LPIN2: variants seen among roughly 807,000 people sequenced by gnomAD.
The protein encoded by LPIN2 is lipin 2.
A neutral mutation model predicts 111.4 loss-of-function variants in LPIN2; 55 were observed. The observed-to-expected ratio is 0.49, with a 90% CI of 0.40 to 0.62. The LOEUF (loss-of-function observed/expected upper bound fraction) is 0.62, where lower values mean the gene tolerates loss of function less well. LPIN2 is among the 20% of genes least tolerant of loss of function. LPIN2 has a pLI of 0.00. For missense variants in LPIN2, 992 were observed against 1,112.1 expected (o/e 0.89, Z 1.54); for synonymous variants, 425 against 414.0 (o/e 1.03, Z -0.32).
chr18:2,928,616 T>G lies in LPIN2; in HGVS notation c.1595A>C (p.Gln532Pro), dbSNP rs1598527903. The G allele has an allele frequency of 1.2e-6, 2 of 1,614,164 alleles. No homozygotes were observed. Among genetic ancestry groups the G allele is most frequent in the Middle Eastern group, 3.3e-4 (2 of 6,062 alleles). ...CTTAGGCAAGCTCTTCTGGAATACT[T>G]GCAAGCTAAGGATCATGGGAGCTGC... ...ALAAPMILSL[Q>P]VFQKSLPKAT... The change falls in exon 11 of 20, where the codon CAA becomes CCA. Residue 532 changes from glutamine to proline, a missense_variant. Physicochemically the swap from Gln to Pro is moderately conservative, Grantham distance 76. Transcript: ENST00000677752.
intron 4 of LPIN2, among the ~76,000 whole-genome samples, chr18:2,945,016 T>C (rs1292634038): frequency 6.6e-6 from 1 of 152,174 alleles, no homozygotes; most frequent in African/African-American, 2.4e-5. Flanking sequence ...TTACTTACTA[T>C]ACTACCTCAG....
At chr18:2,973,725 T>C (rs2077961320) in intron 1 of LPIN2, among the ~76,000 whole-genome samples, 1 of 152,246 alleles carries the variant, frequency 6.6e-6, no homozygotes, top group South Asian at 2.1e-4. Context: ...TGCATATACA[T>C]AATGACCCAA....
rs1290069719 is a variant in LPIN2 at position 2,951,463 on chromosome 18, A to G, written c.289-107T>C. 4.7e-6 allele frequency: 4 copies of G among 853,388 alleles called. No homozygotes were observed. In the African/African-American group the frequency reaches 5.2e-5, roughly 11 times the overall value. The allele number at this position is 853,388 out of a possible 1,614,324, so 52.9% of individuals were successfully genotyped here. On this transcript the variant is annotated intron_variant, in intron 3 of 19. Coordinates refer to ENST00000677752, the MANE Select transcript of LPIN2 (RefSeq NM_001375808.2). ...TTTCACCATGGTAAAAAAAAAAAAA[A>G]TACATATTCCCTAAAGGCAAGAAAG...
chr18:2,983,053 A>T (rs2078136298), intron 1 of LPIN2, among the ~76,000 whole-genome samples: 1 of 152,214 alleles, frequency 6.6e-6, no homozygotes, highest in African/African-American at 2.4e-5. Context: ...CTGCCCAATC[A>T]CATGATGGCC....
In LPIN2 at chr18:2,951,969, G is replaced by A. The variant is rs142689676; in HGVS notation, c.289-613C>T. On this transcript the variant is annotated intron_variant, in intron 3 of 19. Coordinates refer to ENST00000677752, the MANE Select transcript of LPIN2 (RefSeq NM_001375808.2). ...TTAAAAATAAGAAATATTCCTTCCTGTAGGAATTCAAAAGAAGAAAATAAG... is the reference window on the plus strand; with the variant it reads ...TTAAAAATAAGAAATATTCCTTCCTATAGGAATTCAAAAGAAGAAAATAAG... Among the ~76,000 whole-genome samples, 417 of 152,282 alleles carry A rather than the reference G, an allele frequency of 2.7e-3. 5 individuals carry two copies. Among genetic ancestry groups the A allele is most frequent in the Admixed American group, 8.2e-3 (126 of 15,292 alleles).
chr18:3,005,156 C>G (rs2078492467), intron 1 of LPIN2, among the ~76,000 whole-genome samples: 1 of 151,990 alleles, frequency 6.6e-6, no homozygotes. Flanking sequence ...TTGAGACCAG[C>G]CTGGCCAACA....
Position 2,923,805 on chromosome 18 carries a change from C to T in LPIN2, c.2144G>A (p.Gly715Asp), listed in dbSNP as rs2144126284. 1 of 1,614,180 alleles carries T rather than the reference C, an allele frequency of 6.2e-7. No individual in the cohort carries two copies. The highest frequency in any genetic ancestry group is 2.2e-5 in the East Asian group (1 of 44,886). Residue 715 changes from glycine (G) to aspartate (D), a missense_variant, in exon 16 of 20, where the codon GGT (glycine) becomes GAT (aspartate). Physicochemically the swap from Gly to Asp is moderately conservative, Grantham distance 94. Coordinates refer to ENST00000677752, the MANE Select transcript of LPIN2 (RefSeq NM_001375808.2). ...PQLGKDWTHQ[G>D]IAKLYHSINE... ...GATGGAATGGTAGAGCTTTGCTATACCCTGGTGGGTCCAGTCTTTGCCCAG... is the reference window on the plus strand; with the variant it reads ...GATGGAATGGTAGAGCTTTGCTATATCCTGGTGGGTCCAGTCTTTGCCCAG...
rs2077341935 is a variant in LPIN2 at position 2,939,620 on chromosome 18, GAC to G, written c.699-19_699-18del. ...GGATAGGTGCTGCAAAGAGAACAAA[GAC>G]ACACGATGACTTGAAAGTCGGGAAA... On this transcript the variant is annotated intron_variant, in intron 5 of 19. Coordinates refer to ENST00000677752, the MANE Select transcript of LPIN2 (RefSeq NM_001375808.2). The G allele has an allele frequency of 6.2e-7, 1 of 1,611,484 alleles. No homozygotes were observed. Among genetic ancestry groups the G allele is most frequent in the Non-Finnish European group, 8.5e-7 (1 of 1,179,214 alleles).
rs369438016 is a variant in LPIN2, at chr18:2,928,288, T to C, written c.1620+303A>G. On this transcript the variant is annotated intron_variant, in intron 11 of 19. Coordinates refer to ENST00000677752, the MANE Select transcript of LPIN2 (RefSeq NM_001375808.2). ...TCCCATATTAATGGGAGAAAAAGTT[T>C]TTTTCATTCATTCCATATTTAACTT... 7.2e-5 allele frequency among the ~76,000 whole-genome samples: 11 copies of C among 152,342 alleles called. No homozygotes were observed. The East Asian group carries it at 2.1e-3, about 29-fold the overall frequency.
Position 2,936,242 on chromosome 18 carries a change from G to A in LPIN2, c.1168+1450C>T, listed in dbSNP as rs564486565. Among the ~76,000 whole-genome samples the A allele has an allele frequency of 7.0e-4, 106 of 152,158 alleles. 1 individual carries two copies. In the South Asian group the frequency reaches 9.1e-3, roughly 13 times the overall value. On this transcript the variant is annotated intron_variant, in intron 7 of 19. Transcript: ENST00000677752. Reference sequence around the variant, plus strand: ...TTTTTTTAATTGAAATAGGTAATTGGCTATATATGATGTTGGGTAATTTTA... The same window carrying A: ...TTTTTTTAATTGAAATAGGTAATTGACTATATATGATGTTGGGTAATTTTA...
chr18:2,967,195 A>G (rs1055168128), intron 1 of LPIN2, among the ~76,000 whole-genome samples: 3 of 152,164 alleles, frequency 2.0e-5, no homozygotes, highest in Non-Finnish European at 2.9e-5. Flanking sequence ...TATTCACTAG[A>G]ACCCAGTTCT....
chr18:2,917,740 C>T lies in LPIN2; in HGVS notation c.*2553G>A, dbSNP rs149332969. On this transcript the variant is annotated 3_prime_UTR_variant, in exon 20 of 20. Coordinates refer to ENST00000677752, the MANE Select transcript of LPIN2 (RefSeq NM_001375808.2). The stretch of plus-strand genomic sequence containing the variant: ...GACAAGGGGCAGACAGCAACTCACA[C>T]GGGACGAGCTTCAGCACACAGACAG... 4.2e-3 allele frequency: 642 copies of T among 152,490 alleles called. 6 individuals carry two copies. Among genetic ancestry groups the T allele is most frequent in the Non-Finnish European group, 4.2e-3 (283 of 68,112 alleles). The allele number at this position is 152,490 out of a possible 1,614,324, so 9.4% of individuals were successfully genotyped here. A position where few individuals can be genotyped will look rare whatever the true frequency, so the allele number is the denominator to read the frequency against.
intron 1 of LPIN2, among the ~76,000 whole-genome samples, chr18:2,972,570 T>C (rs1310860690): frequency 6.6e-6 from 1 of 152,206 alleles, no homozygotes; most frequent in Non-Finnish European, 1.5e-5. Context: ...AGAACATTAA[T>C]TTTCTTCAGA....
rs534734148 is a variant in LPIN2, at chr18:2,999,326, G to A, written c.-10+13761C>T. ...AAAGAGGAAATCTGGTCCAGGCGCC[G>A]TGGCCCACGCCTGTAATCCCAGCAC... is the stretch of plus-strand genomic sequence containing the variant. On this transcript the variant is annotated intron_variant, in intron 1 of 19. Coordinates refer to ENST00000677752, the MANE Select transcript of LPIN2 (RefSeq NM_001375808.2). Among the ~76,000 whole-genome samples the A allele has an allele frequency of 3.3e-5, 5 of 152,144 alleles. No individual in the cohort carries two copies. In the South Asian group the frequency reaches 8.3e-4, roughly 25 times the overall value.
intron 7 of LPIN2, among the ~76,000 whole-genome samples, chr18:2,937,259 C>T (rs1022371231): frequency 5.9e-5 from 9 of 152,050 alleles, no homozygotes; most frequent in South Asian, 2.1e-4. Context: ...AAGTGAGTGA[C>T]GGGCCTGGGC....
At chr18:2,921,675 C>A in intron 17 of LPIN2, 28 bp from the exon 18 acceptor site, 3 of 1,500,872 alleles carry the variant, frequency 2.0e-6, no homozygotes, top group Non-Finnish European at 1.9e-6. Context: ...ATACAATCAC[C>A]AATCTCAAAA....
At chr18:2,933,552 G>C (rs1384812307) in intron 8 of LPIN2, among the ~76,000 whole-genome samples, 2 of 152,156 alleles carry the variant, frequency 1.3e-5, no homozygotes, top group Non-Finnish European at 2.9e-5. Context: ...CAAAATACCT[G>C]TAAAAAATTT....
At chr18:2,953,262 T>A (rs948382644) in intron 3 of LPIN2, among the ~76,000 whole-genome samples, 3 of 152,176 alleles carry the variant, frequency 2.0e-5, no homozygotes, top group Admixed American at 6.5e-5. Flanking sequence ...GAGGTTAACA[T>A]CAATAACCCA....
At chr18:2,956,448 T>A (rs1345720067) in intron 2 of LPIN2, among the ~76,000 whole-genome samples, 1 of 152,154 alleles carries the variant, frequency 6.6e-6, no homozygotes, top group Non-Finnish European at 1.5e-5. Flanking sequence ...CAGATCTTTG[T>A]TCGTAAATAC....
Sources: gnomAD v4.1 joint callset for allele counts (sites outside exome capture counted in the v4.1 genomes callset) on GRCh38, gnomAD v4.1.1 for gene constraint, MANE v1.5 for transcripts, NCBI Gene and HGNC (gene_info 2026-07-23, HGNC 2026-07-21) for gene names.